ABCA9: variants seen among roughly 807,000 people sequenced by gnomAD.
ABCA9 encodes the protein ATP binding cassette subfamily A member 9.
Under a neutral mutation model 205.3 loss-of-function variants are expected in ABCA9, and 183 were observed. That is an observed-to-expected ratio of 0.89 (90% CI 0.79 to 1.01). ABCA9 has a LOEUF of 1.01. Among genes scored for constraint, ABCA9 ranks in the 50% least tolerant of loss-of-function variants. The pLI is 0.00. For missense variants in ABCA9, 1,805 were observed against 1,912.4 expected, an observed-to-expected ratio of 0.94 and a Z score of 1.05; for synonymous variants, 651 against 683.3, an observed-to-expected ratio of 0.95 and a Z score of 0.74.
At chr17:69,061,013 A>T, upstream of ABCA9, 1 of 985,378 alleles carries the variant, frequency 1.0e-6, no homozygotes, top group Non-Finnish European at 1.2e-6. Context: ...TTTTATACAA[A>T]TTTCCCAGGA....
At chr17:69,072,810 G>A in the ABCA9 span, among the ~76,000 whole-genome samples, 622 of 152,264 alleles carry the variant, frequency 4.1e-3, 2 homozygotes, top group Non-Finnish European at 6.0e-3. Context: ...CTGGCAAATT[G>A]GATGAAGAGT....
rs1009200444 is a variant in ABCA9 at position 69,044,377 on chromosome 17, G to C, written c.573+120C>G. The C allele has an allele frequency of 1.6e-5, 13 of 808,834 alleles. No homozygotes were observed. The Admixed American group carries it at 2.4e-4, about 15-fold the overall frequency. The allele number at this position is 808,834 out of a possible 1,614,324, so 50.1% of individuals were successfully genotyped here. ...GTACAATGGTTTTATTATGGAAGTT[G>C]TTCTGTATATTGTGCCTTATTAATG... On this transcript the variant is annotated intron_variant, in intron 5 of 38. Coordinates refer to ENST00000340001, the MANE Select transcript of ABCA9 (RefSeq NM_080283.4).
At chr17:69,015,585 A>G (rs1382848985) in intron 22 of ABCA9, among the ~76,000 whole-genome samples, 1 of 152,170 alleles carries the variant, frequency 6.6e-6, no homozygotes, top group African/African-American at 2.4e-5. Flanking sequence ...CAAGAAAAAT[A>G]GTTTTAATAG....
Position 69,060,747 on chromosome 17 carries a change from T to A in ABCA9, c.-14+119A>T, listed in dbSNP as rs2072217943. ...AAATAGATGATTTAAAAAGTCAAAA[T>A]GACTCGTTAATAACTTACTGCTTTT... On this transcript the variant is annotated intron_variant, in intron 1 of 38. Coordinates refer to ENST00000340001, the MANE Select transcript of ABCA9 (RefSeq NM_080283.4). 4.5e-6 allele frequency: 3 copies of A among 667,722 alleles called. No individual in the cohort carries two copies. The South Asian group carries it at 2.0e-4, about 45-fold the overall frequency. 41.4% of individuals were successfully genotyped at this position (667,722 alleles called of 1,614,324 possible). A position where few individuals can be genotyped will look rare whatever the true frequency, so the allele number is the denominator to read the frequency against.
At chr17:68,989,763 C>T in intron 30 of ABCA9, 50 bp downstream of exon 30, 3 of 1,090,540 alleles carry the variant, frequency 2.8e-6, no homozygotes, top group Non-Finnish European at 1.4e-6. Flanking sequence ...CCTGAATAAT[C>T]CAGTCTTCAG....
chr17:69,043,109 C>A, intron 6 of ABCA9: 1 of 177,060 alleles, frequency 5.6e-6, no homozygotes, highest in South Asian at 1.5e-4. Context: ...ATTGGATACT[C>A]ATAAAGAGCC....
At chr17:69,078,062 C>A in the ABCA9 span, among the ~76,000 whole-genome samples, 1 of 151,896 alleles carries the variant, frequency 6.6e-6, no homozygotes, top group Non-Finnish European at 1.5e-5. Context: ...TAAGAGTATG[C>A]AAAATTTAAA....
At chr17:69,018,303 T>C in intron 20 of ABCA9, 110 bp downstream of exon 20, 1 of 1,005,898 alleles carries the variant, frequency 9.9e-7, no homozygotes, top group South Asian at 2.5e-5. Context: ...GCCTCATATA[T>C]GCTTTCTAAA....
At position 69,008,254 on chromosome 17, in the gene ABCA9, A is replaced by T; in HGVS notation, c.3148-19T>A. 1.2e-6 allele frequency: 2 copies of T among 1,609,032 alleles called. No homozygotes were observed. Among genetic ancestry groups the T allele is most frequent in the Non-Finnish European group, 1.7e-6 (2 of 1,177,598 alleles). The stretch of plus-strand genomic sequence containing the variant: ...CTTTTTTCTGATAAAGAAATAGAAG[A>T]ATCATCAAAAGGTTCTGAAGAGCTG... On this transcript the variant is annotated intron_variant, in intron 23 of 38. Transcript: ENST00000340001.
Position 69,026,769 on chromosome 17 carries a change from AC to A in ABCA9, c.2050+206del, listed in dbSNP as rs578015456. ...TCTTAGAAAGTGTGATATGTATTTTACAACCAGAAAGCTGCTCTGCAATGGG... is the reference window on the plus strand; with the variant it reads ...TCTTAGAAAGTGTGATATGTATTTTAAACCAGAAAGCTGCTCTGCAATGGG... On this transcript the variant is annotated intron_variant, in intron 15 of 38. Transcript: ENST00000340001. Among the ~76,000 whole-genome samples, 169 of 152,324 alleles carry A rather than the reference AC, an allele frequency of 1.1e-3. 1 individual carries two copies. The highest frequency in any genetic ancestry group is 3.9e-3 in the African/African-American group (163 of 41,578).
chr17:68,994,120 C>T (rs771445975), intron 26 of ABCA9, among the ~76,000 whole-genome samples: 6 of 152,218 alleles, frequency 3.9e-5, no homozygotes, highest in Non-Finnish European at 8.8e-5. Flanking sequence ...AGGTGATTCA[C>T]CTGCCTCGGC....
intron 23 of ABCA9, among the ~76,000 whole-genome samples, chr17:69,009,266 C>T (rs538189580): frequency 1.3e-5 from 2 of 152,116 alleles, no homozygotes; most frequent in South Asian, 2.1e-4. Flanking sequence ...CAAAGAGAAA[C>T]GAATTGTAAC....
the ABCA9 span, among the ~76,000 whole-genome samples, chr17:69,066,076 G>A: frequency 1.3e-5 from 2 of 152,188 alleles, no homozygotes; most frequent in South Asian, 2.1e-4. Context: ...TCTCAAATAT[G>A]TCTTTACTAG....
rs1239110585 is a variant in ABCA9 at position 68,984,930 on chromosome 17, T to G, written c.4334A>C (p.Asp1445Ala). 1 of 1,614,094 alleles carries G rather than the reference T, an allele frequency of 6.2e-7. No homozygotes were observed. Among genetic ancestry groups the G allele is most frequent in the East Asian group, 2.2e-5 (1 of 44,870 alleles). The change falls in exon 34 of 39, where the codon GAT becomes GCT. Residue 1445 changes from aspartate to alanine, a missense_variant. Physicochemically the swap from Asp to Ala is moderately radical, Grantham distance 126. Coordinates refer to ENST00000340001, the MANE Select transcript of ABCA9 (RefSeq NM_080283.4). ...GGGGTCCATCCCGGTCGACGGCTCA[T>G]CCAGAAGCACCACTGACGGGTTCCC... Reference protein sequence around the residue: ...ILGNPSVVLLDEPSTGMDPEG... With the variant: ...ILGNPSVVLLAEPSTGMDPEG...
chr17:68,999,261 T>C (rs1051926368), intron 25 of ABCA9, among the ~76,000 whole-genome samples: 5 of 131,910 alleles, frequency 3.8e-5, no homozygotes, highest in Non-Finnish European at 6.5e-5. Context: ...TATCTCCCAA[T>C]GCTATCCCTT....
chr17:69,046,698 A>T (rs2071714267), intron 3 of ABCA9, among the ~76,000 whole-genome samples: 1 of 151,444 alleles, frequency 6.6e-6, no homozygotes, highest in Non-Finnish European at 1.5e-5. Context: ...CAATAGGCTG[A>T]GTATCTCTTA....
chr17:69,045,162 C>T lies in ABCA9; in HGVS notation c.469+10G>A, dbSNP rs745313098. 3.1e-6 allele frequency: 5 copies of T among 1,608,122 alleles called. No homozygotes were observed. In the Admixed American group the frequency reaches 8.5e-5, roughly 27 times the overall value. Reference sequence around the variant, plus strand: ...TAGCAAAAAAAATTTTTTTCTTCTTCAAAAGTTACCTGAATGGTCTCTGTG... The same window carrying T: ...TAGCAAAAAAAATTTTTTTCTTCTTTAAAAGTTACCTGAATGGTCTCTGTG... On this transcript the variant is annotated intron_variant, in intron 4 of 38. Transcript: ENST00000340001.
At chr17:69,078,056 A>T in the ABCA9 span, among the ~76,000 whole-genome samples, 1 of 152,118 alleles carries the variant, frequency 6.6e-6, no homozygotes, top group African/African-American at 2.4e-5. Flanking sequence ...TGTTGTTAAG[A>T]GTATGCAAAA....
chr17:69,031,139 T>C lies in ABCA9; in HGVS notation c.1445+969A>G, dbSNP rs146404947. On this transcript the variant is annotated intron_variant, in intron 10 of 38. Coordinates refer to ENST00000340001, the MANE Select transcript of ABCA9 (RefSeq NM_080283.4). ...TTTCTAGACCATAAGACTAGTCTTATTACCCACAATTTGCAAATCTTCAAT... is the reference window on the plus strand; with the variant it reads ...TTTCTAGACCATAAGACTAGTCTTACTACCCACAATTTGCAAATCTTCAAT... Among the ~76,000 whole-genome samples, 46 of 152,306 alleles carry C rather than the reference T, an allele frequency of 3.0e-4. No homozygotes were observed. In the Middle Eastern group the frequency reaches 0.01, roughly 34 times the overall value.
Sources: gnomAD v4.1 joint callset for allele counts (sites outside exome capture counted in the v4.1 genomes callset) on GRCh38, gnomAD v4.1.1 for gene constraint, MANE v1.5 for transcripts, NCBI Gene and HGNC (gene_info 2026-07-23, HGNC 2026-07-21) for gene names.